INTS6: variants seen among roughly 807,000 people sequenced by gnomAD.
INTS6 encodes DEAD box protein.
INTS6 carries 16 observed loss-of-function variants against 104.9 expected under a neutral mutation model. That is an observed-to-expected ratio of 0.15 (90% CI 0.10 to 0.23). The LOEUF is 0.23. INTS6 is among the 10% of genes least tolerant of loss of function. The probability of loss-of-function intolerance (pLI) is 1.00; values close to 1 mark genes in which losing one functional copy is unlikely to be tolerated. For missense variants in INTS6, 584 were observed against 1,062.8 expected (o/e 0.55, Z 6.26); for synonymous variants, 324 against 358.7 (o/e 0.90, Z 1.09).
chr13:51,392,554 C>A (rs189712901), intron 5 of INTS6, among the ~76,000 whole-genome samples: 3 of 152,346 alleles, frequency 2.0e-5, no homozygotes, highest in African/African-American at 7.2e-5. Flanking sequence ...AGAGCATGTC[C>A]CTTTCCTTGC....
At chr13:51,395,189 A>C (rs1162106422) in intron 5 of INTS6, 111 bp downstream of exon 5, 3 of 1,042,468 alleles carry the variant, frequency 2.9e-6, no homozygotes, top group Non-Finnish European at 4.1e-6. Flanking sequence ...CCTAATTCCT[A>C]ATATTAACTT....
chr13:51,341,771 G>A, the INTS6 span, among the ~76,000 whole-genome samples: 1 of 152,172 alleles, frequency 6.6e-6, no homozygotes, highest in Non-Finnish European at 1.5e-5. Context: ...TGTTGAGGAT[G>A]ATAATTTTAT....
At chr13:51,378,481 C>A (rs1566211199) in intron 11 of INTS6, 27 bp from the exon 12 acceptor site, 1 of 1,465,706 alleles carries the variant, frequency 6.8e-7, no homozygotes, top group East Asian at 2.3e-5. Context: ...TCAGAATTAT[C>A]TTGATAAAAT....
intron 5 of INTS6, among the ~76,000 whole-genome samples, chr13:51,392,934 G>T (rs542702071): frequency 6.6e-6 from 1 of 151,610 alleles, no homozygotes; most frequent in South Asian, 2.1e-4. Flanking sequence ...CTACAATTAT[G>T]CAATTAAAAA....
In INTS6 at chr13:51,369,008, T is replaced by G. The variant is rs1442718643; in HGVS notation, c.2407A>C (p.Arg803=). 6.2e-7 allele frequency: 1 copy of G among 1,613,702 alleles called. No homozygotes were observed. Among genetic ancestry groups the G allele is most frequent in the Admixed American group, 1.7e-5 (1 of 59,960 alleles). ...LNKGKKLMHC[R]SHEEVNTELK... ...TCAGTATTGACCTCTTCATGGCTTC[T>G]GCAATGCATCAATTTCTTTCCTTTG... is the stretch of plus-strand genomic sequence containing the variant. The change falls in exon 16 of 18, where the codon AGA becomes CGA. Residue 803 remains arginine, a synonymous_variant. Transcript: ENST00000311234.
intron 4 of INTS6, among the ~76,000 whole-genome samples, chr13:51,410,376 G>A (rs750903064): frequency 4.6e-5 from 7 of 152,090 alleles, no homozygotes; most frequent in Non-Finnish European, 1.5e-5. Context: ...GAAGACACAG[G>A]TTATCAACAA....
At chr13:51,386,533 T>A (rs1956143661) in intron 7 of INTS6, among the ~76,000 whole-genome samples, 1 of 152,048 alleles carries the variant, frequency 6.6e-6, no homozygotes, top group African/African-American at 2.4e-5. Context: ...CTTTATTAAA[T>A]CCCTAATGAA....
intron 15 of INTS6, among the ~76,000 whole-genome samples, chr13:51,371,408 A>G (rs560532177): frequency 4.7e-4 from 72 of 152,064 alleles, no homozygotes; most frequent in Admixed American, 3.9e-4. Context: ...TCTTCCTCCT[A>G]TTAACCATAT....
chr13:51,363,966 CTT>C lies in INTS6; in HGVS notation c.*1784_*1785del, dbSNP rs1955635006. On this transcript the variant is annotated 3_prime_UTR_variant, in exon 18 of 18. Coordinates refer to ENST00000311234, the MANE Select transcript of INTS6 (RefSeq NM_012141.3). ...GGGCTGAATCTCTTTCCTAGATACT[CTT>C]GTTAAGTATGAATTTTTATCTGAAT... 8.2e-6 allele frequency: 2 copies of C among 244,076 alleles called. No homozygotes were observed. The highest frequency in any genetic ancestry group is 7.7e-5 in the East Asian group (1 of 12,982). The allele number at this position is 244,076 out of a possible 1,614,324, so 15.1% of individuals were successfully genotyped here.
chr13:51,345,981 G>A, the INTS6 span, among the ~76,000 whole-genome samples: 1 of 152,200 alleles, frequency 6.6e-6, no homozygotes, highest in African/African-American at 2.4e-5. Flanking sequence ...ATTGCATTGG[G>A]TAACTGGGTG....
At chr13:51,389,262 T>G in intron 6 of INTS6, 57 bp downstream of exon 6, 1 of 1,578,880 alleles carries the variant, frequency 6.3e-7, no homozygotes, top group Non-Finnish European at 8.6e-7. Flanking sequence ...TTTTCAGTTC[T>G]AGTTGAATAA....
At chr13:51,346,203 C>T in the INTS6 span, among the ~76,000 whole-genome samples, 2 of 152,202 alleles carry the variant, frequency 1.3e-5, no homozygotes, top group South Asian at 4.1e-4. Context: ...GGGTGGTCTG[C>T]CAGCTCCTCT....
the INTS6 span, among the ~76,000 whole-genome samples, chr13:51,334,483 T>G: frequency 1.3e-5 from 2 of 152,216 alleles, no homozygotes; most frequent in Non-Finnish European, 2.9e-5. Flanking sequence ...TTCCACAGTC[T>G]TGGATGGGAT....
intron 4 of INTS6, among the ~76,000 whole-genome samples, chr13:51,404,739 T>C (rs762385463): frequency 2.6e-5 from 4 of 152,198 alleles, no homozygotes; most frequent in Admixed American, 6.5e-5. Context: ...TACCAAATCA[T>C]AACTTTTCTT....
At chr13:51,422,591 G>C (rs534439991) in intron 4 of INTS6, among the ~76,000 whole-genome samples, 1 of 152,270 alleles carries the variant, frequency 6.6e-6, no homozygotes, top group South Asian at 2.1e-4. Flanking sequence ...CTTCTAGGTT[G>C]TTACATGTAG....
chr13:51,392,825 T>TA (rs991905095), intron 5 of INTS6, among the ~76,000 whole-genome samples: 10 of 152,154 alleles, frequency 6.6e-5, no homozygotes, highest in Admixed American at 2.0e-4. Context: ...ATAAGCTTTC[T>TA]ATTGTTCCTG....
intron 3 of INTS6, chr13:51,442,651 C>T (rs1952820096): frequency 6.5e-6 from 1 of 152,826 alleles, no homozygotes; most frequent in Middle Eastern, 3.1e-3. Flanking sequence ...GGCTCCGCCT[C>T]CTGTTAGATC....
chr13:51,364,142 T>A lies in INTS6; in HGVS notation c.*1610A>T. 1.9e-6 allele frequency: 1 copy of A among 538,192 alleles called. No individual in the cohort carries two copies. Among genetic ancestry groups the A allele is most frequent in the Non-Finnish European group, 3.1e-6 (1 of 319,882 alleles). The allele number at this position is 538,192 out of a possible 1,614,324, so 33.3% of individuals were successfully genotyped here. A position where few individuals can be genotyped will look rare whatever the true frequency, so the allele number is the denominator to read the frequency against. On this transcript the variant is annotated 3_prime_UTR_variant, in exon 18 of 18. Coordinates refer to ENST00000311234, the MANE Select transcript of INTS6 (RefSeq NM_012141.3). Reference sequence around the variant, plus strand: ...ACAATTCCATCTATTAAATGTTATCTTGCATTACTTAAAAGTATTTGTATA... The same window carrying A: ...ACAATTCCATCTATTAAATGTTATCATGCATTACTTAAAAGTATTTGTATA...
chr13:51,380,175 A>G lies in INTS6; in HGVS notation c.1276-603T>C, dbSNP rs114625276. Reference sequence around the variant, plus strand: ...ACTATTATTATCATATGCTGAGCTGAAAAAAAGCTCTGAAGGAAACATAAG... The same window carrying G: ...ACTATTATTATCATATGCTGAGCTGGAAAAAAGCTCTGAAGGAAACATAAG... On this transcript the variant is annotated intron_variant, in intron 10 of 17. Transcript: ENST00000311234. Among the ~76,000 whole-genome samples, 417 of 152,226 alleles carry G rather than the reference A, an allele frequency of 2.7e-3. 2 individuals are homozygous for G. Among genetic ancestry groups the G allele is most frequent in the African/African-American group, 9.2e-3 (383 of 41,560 alleles).
Sources: gnomAD v4.1 joint callset for allele counts (sites outside exome capture counted in the v4.1 genomes callset) on GRCh38, gnomAD v4.1.1 for gene constraint, MANE v1.5 for transcripts, NCBI Gene and HGNC (gene_info 2026-07-23, HGNC 2026-07-21) for gene names.